The following LRRC49 variants were observed in gnomAD, a reference collection of about 807,000 sequenced individuals.
LRRC49 encodes leucine rich repeat containing 49.
A neutral mutation model predicts 83.3 loss-of-function variants in LRRC49; 50 were observed. That is an observed-to-expected ratio of 0.60 (90% CI 0.48 to 0.76). The LOEUF is 0.76. LRRC49 is among the 30% of genes least tolerant of loss of function. The pLI, the probability that LRRC49 is intolerant of heterozygous loss-of-function variation, is 0.00. For synonymous variants in LRRC49, 286 were observed against 283.3 expected, an observed-to-expected ratio of 1.01 and a Z score of -0.10; for missense variants, 704 against 809.1, an observed-to-expected ratio of 0.87 and a Z score of 1.58.
intron 11 of LRRC49, among the ~76,000 whole-genome samples, chr15:70,988,918 A>C (rs1450742717): frequency 6.6e-6 from 1 of 152,150 alleles, no homozygotes; most frequent in Non-Finnish European, 1.5e-5. Flanking sequence ...CTGTATATGA[A>C]ATTCTGGGTT....
chr15:70,896,640 C>G (rs2141101511), intron 3 of LRRC49, among the ~76,000 whole-genome samples: 1 of 152,264 alleles, frequency 6.6e-6, no homozygotes, highest in East Asian at 1.9e-4. Context: ...CAGCCATTAG[C>G]TTTCTGTAAT....
At chr15:70,922,314 G>T (rs2035036224) in intron 7 of LRRC49, among the ~76,000 whole-genome samples, 1 of 151,998 alleles carries the variant, frequency 6.6e-6, no homozygotes, top group Non-Finnish European at 1.5e-5. Context: ...AAGAAAATGT[G>T]GTACATATAC....
intron 1 of LRRC49, among the ~76,000 whole-genome samples, chr15:70,855,148 A>G (rs1298243904): frequency 6.6e-6 from 1 of 152,132 alleles, no homozygotes; most frequent in Non-Finnish European, 1.5e-5. Flanking sequence ...CCTGGCCAAC[A>G]TGGTGAAACC....
At chr15:70,893,138 TC>T in intron 1 of LRRC49, 196 bp downstream of exon 1, 1 of 642,982 alleles carries the variant, frequency 1.6e-6, no homozygotes, top group Non-Finnish European at 2.7e-6. Context: ...CAAAGTCTTG[TC>T]CAGGATCTGG....
chr15:70,990,177 A>C (rs566022172), intron 11 of LRRC49, among the ~76,000 whole-genome samples: 6 of 152,096 alleles, frequency 3.9e-5, no homozygotes, highest in Non-Finnish European at 7.4e-5. Context: ...TCAGATAGGG[A>C]CATTTAAGTC....
chr15:70,892,002 G>C, upstream of LRRC49: 1 of 1,612,872 alleles, frequency 6.2e-7, no homozygotes, highest in Admixed American at 1.7e-5. Flanking sequence ...GCGGGCACCC[G>C]GTGCAGGGTG....
intron 1 of LRRC49, among the ~76,000 whole-genome samples, chr15:70,862,982 A>G (rs1284277450): frequency 6.6e-6 from 1 of 152,228 alleles, no homozygotes; most frequent in East Asian, 1.9e-4. Flanking sequence ...CATAGGGGAT[A>G]AAGGGATGAA....
chr15:70,956,936 T>C (rs951054954), intron 8 of LRRC49, among the ~76,000 whole-genome samples: 2 of 152,216 alleles, frequency 1.3e-5, no homozygotes, highest in Non-Finnish European at 2.9e-5. Context: ...GCAGTGATGT[T>C]CCCATTCCTG....
intron 5 of LRRC49, among the ~76,000 whole-genome samples, chr15:70,909,979 G>A (rs1337676438): frequency 6.6e-6 from 1 of 152,102 alleles, no homozygotes; most frequent in Non-Finnish European, 1.5e-5. Context: ...AGTATTAAAT[G>A]CCTGGCACTA....
chr15:70,909,667 C>G (rs148311998), intron 5 of LRRC49, among the ~76,000 whole-genome samples: 1 of 152,020 alleles, frequency 6.6e-6, no homozygotes, highest in Non-Finnish European at 1.5e-5. Context: ...GGTGAAACCC[C>G]GTCTCTACCA....
intron 8 of LRRC49, among the ~76,000 whole-genome samples, chr15:70,941,730 T>C (rs1282664717): frequency 6.6e-6 from 1 of 152,164 alleles, no homozygotes; most frequent in African/African-American, 2.4e-5. Flanking sequence ...ATGCTGTAAG[T>C]ACAAAAATAC....
intron 6 of LRRC49, among the ~76,000 whole-genome samples, chr15:70,915,939 A>G (rs574683217): frequency 8.5e-5 from 13 of 152,326 alleles, no homozygotes; most frequent in Non-Finnish European, 1.6e-4. Flanking sequence ...AGAGTGTCCA[A>G]ATAACAATGT....
intron 1 of LRRC49, among the ~76,000 whole-genome samples, chr15:70,871,546 C>A (rs1361985897): frequency 2.0e-5 from 3 of 151,910 alleles, no homozygotes; most frequent in African/African-American, 7.2e-5. Flanking sequence ...AGGCGCCCCC[C>A]ACCTCCCGAA....
At chr15:71,017,681 A>G (rs948244579) in intron 14 of LRRC49, among the ~76,000 whole-genome samples, 1 of 152,206 alleles carries the variant, frequency 6.6e-6, no homozygotes, top group Non-Finnish European at 1.5e-5. Flanking sequence ...AATGAGATTG[A>G]CTTAAAAATT....
chr15:71,042,386 C>T (rs1396447457), intron 15 of LRRC49, among the ~76,000 whole-genome samples: 1 of 152,090 alleles, frequency 6.6e-6, no homozygotes, highest in Non-Finnish European at 1.5e-5. Flanking sequence ...TTGACTCCTG[C>T]TTTGAGAAAT....
intron 8 of LRRC49, among the ~76,000 whole-genome samples, chr15:70,939,610 G>A (rs2035729655): frequency 6.6e-6 from 1 of 152,112 alleles, no homozygotes; most frequent in Non-Finnish European, 1.5e-5. Context: ...TGGGTGTGGT[G>A]TGTCCCAGGG....
rs761406155 is a variant in LRRC49, at chr15:70,963,903, C to G, written c.892C>G (p.Leu298Val). ...CACTGTCCTTCAGAATATGATGCAG[C>G]TGCGCCAGCTAGATATGAAGAGAAT... Reference protein sequence around the residue: ...KHTVLQNMMQLRQLDMKRITE... With the variant: ...KHTVLQNMMQVRQLDMKRITE... The change falls in exon 9 of 16, where the codon CTG (leucine) becomes GTG (valine). Residue 298 changes from leucine (L) to valine (V), a missense_variant. Leu to Val is a conservative substitution (Grantham distance 32, BLOSUM62 1). Coordinates refer to ENST00000260382, the MANE Select transcript of LRRC49 (RefSeq NM_017691.5). 2.5e-6 allele frequency: 4 copies of G among 1,613,210 alleles called. No homozygotes were observed. The African/African-American group carries it at 4.0e-5, about 16-fold the overall frequency.
chr15:71,000,253 T>C (rs2038212257), intron 11 of LRRC49, among the ~76,000 whole-genome samples: 3 of 152,212 alleles, frequency 2.0e-5, no homozygotes, highest in African/African-American at 7.2e-5. Context: ...TTTGTTGCTT[T>C]TGTGGAGGGA....
chr15:70,938,211 G>A (rs985387139), intron 8 of LRRC49, among the ~76,000 whole-genome samples: 6 of 152,010 alleles, frequency 3.9e-5, no homozygotes, highest in Admixed American at 2.0e-4. Flanking sequence ...TAAATTCCTA[G>A]CTCTGTAGGA....
Sources: gnomAD v4.1 joint callset for allele counts (sites outside exome capture counted in the v4.1 genomes callset) on GRCh38, gnomAD v4.1.1 for gene constraint, MANE v1.5 for transcripts, NCBI Gene and HGNC (gene_info 2026-07-23, HGNC 2026-07-21) for gene names.